The following CDC5L variants were observed in gnomAD, a reference collection of about 807,000 sequenced individuals.
The protein encoded by CDC5L is cell division cycle 5 like.
CDC5L carries 18 observed loss-of-function variants against 104.1 expected under a neutral mutation model. That is an observed-to-expected ratio of 0.17 (90% CI 0.12 to 0.26). The LOEUF (loss-of-function observed/expected upper bound fraction) is 0.26. Ranked by LOEUF, CDC5L falls within the 10% of genes least tolerant of loss-of-function variation. CDC5L has a pLI of 1.00. For synonymous variants in CDC5L, 331 were observed against 322.7 expected (o/e 1.03, Z -0.28); for missense variants, 673 against 956.9 (o/e 0.70, Z 3.91).
chr6:44,420,616 C>G (rs981280142), intron 9 of CDC5L, among the ~76,000 whole-genome samples: 4 of 152,202 alleles, frequency 2.6e-5, no homozygotes, highest in Admixed American at 2.6e-4. Context: ...CCTTGGCCTC[C>G]CATAGTGCTG....
chr6:44,422,966 G>A (rs1792258143), intron 10 of CDC5L, among the ~76,000 whole-genome samples, 157 bp downstream of exon 10: 1 of 152,060 alleles, frequency 6.6e-6, no homozygotes, highest in South Asian at 2.1e-4. Flanking sequence ...CTTGATGAAA[G>A]GGAATATTTT....
intron 2 of CDC5L, among the ~76,000 whole-genome samples, chr6:44,391,188 A>G (rs903878572): frequency 2.0e-5 from 3 of 148,092 alleles, no homozygotes; most frequent in Non-Finnish European, 3.0e-5. Context: ...TATTAAACAT[A>G]TTTAATATGT....
chr6:44,446,857 C>T lies in CDC5L; in HGVS notation c.*146C>T. Reference sequence around the variant, plus strand: ...TATTTTAAATGATATCGATCTTACACATTCTGTGTATAAAGACCTTAACTC... The same window carrying T: ...TATTTTAAATGATATCGATCTTACATATTCTGTGTATAAAGACCTTAACTC... On this transcript the variant is annotated 3_prime_UTR_variant, in exon 16 of 16. Transcript: ENST00000371477. The T allele has an allele frequency of 2.0e-6, 1 of 488,762 alleles. No individual in the cohort carries two copies. The highest frequency in any genetic ancestry group is 3.6e-6 in the Non-Finnish European group (1 of 277,184). 30.3% of individuals were successfully genotyped at this position (488,762 alleles called of 1,614,324 possible).
intron 14 of CDC5L, among the ~76,000 whole-genome samples, chr6:44,440,381 A>G (rs1471725842): frequency 6.6e-6 from 1 of 151,550 alleles, no homozygotes; most frequent in African/African-American, 2.4e-5. Context: ...AGCTGGGACT[A>G]CAGGTATGCA....
chr6:44,445,069 GC>G (rs1422365154), intron 14 of CDC5L, among the ~76,000 whole-genome samples: 1 of 152,212 alleles, frequency 6.6e-6, no homozygotes, highest in Non-Finnish European at 1.5e-5. Context: ...ATTCTTAGCT[GC>G]TTCTCTGCAC....
rs1331801914 is a variant in CDC5L, at chr6:44,424,566, G to T, written c.1552G>T (p.Val518Leu). Residue 518 changes from valine to leucine, a missense_variant, in exon 11 of 16, where the codon GTG becomes TTG. Coordinates refer to ENST00000371477, the MANE Select transcript of CDC5L (RefSeq NM_001253.4). ...TACTTACATTGAAGATGCTGCTGAT[G>T]TGGATGCTCGAAAGCAGGTGGGTAA... ...DDTYIEDAAD[V>L]DARKQAIRDA... The T allele has an allele frequency of 1.9e-6, 3 of 1,613,912 alleles. No individual in the cohort carries two copies. In the South Asian group the frequency reaches 3.3e-5, roughly 18 times the overall value.
chr6:44,436,780 C>T (rs1464658205), intron 14 of CDC5L, among the ~76,000 whole-genome samples: 1 of 152,074 alleles, frequency 6.6e-6, no homozygotes, highest in Non-Finnish European at 1.5e-5. Context: ...AATTACGGTG[C>T]GTGAAATTTG....
At chr6:44,393,095 C>G (rs1790690889) in intron 3 of CDC5L, among the ~76,000 whole-genome samples, 1 of 148,238 alleles carries the variant, frequency 6.7e-6, no homozygotes, top group Admixed American at 6.8e-5. Context: ...AGTAAAAGAG[C>G]AAATAAAAGT....
intron 13 of CDC5L, 42 bp from the exon 14 acceptor site, chr6:44,429,671 G>A (rs1304068923): frequency 6.4e-7 from 1 of 1,550,800 alleles, no homozygotes; most frequent in African/African-American, 1.4e-5. Flanking sequence ...TATGGCAAGT[G>A]TTTGTAGTAC....
At chr6:44,393,276 A>G (rs534418805) in intron 3 of CDC5L, among the ~76,000 whole-genome samples, 170 bp from the exon 4 acceptor site, 2 of 151,980 alleles carry the variant, frequency 1.3e-5, no homozygotes, top group Admixed American at 1.3e-4. Context: ...GAAATCAGCA[A>G]ATTTTAATAT....
intron 13 of CDC5L, 72 bp from the exon 14 acceptor site, chr6:44,429,641 G>A: frequency 4.4e-6 from 6 of 1,354,914 alleles, no homozygotes; most frequent in South Asian, 1.3e-5. Flanking sequence ...GAAAAAATTA[G>A]TCTTCTAAAG....
chr6:44,410,056 C>T (rs1232481378), intron 8 of CDC5L, among the ~76,000 whole-genome samples: 1 of 151,842 alleles, frequency 6.6e-6, no homozygotes, highest in East Asian at 1.9e-4. Flanking sequence ...GGCATTACTT[C>T]ACATATTTAT....
chr6:44,439,179 ATATT>A (rs1387402095), intron 14 of CDC5L, among the ~76,000 whole-genome samples: 1 of 152,150 alleles, frequency 6.6e-6, no homozygotes, highest in Non-Finnish European at 1.5e-5. Flanking sequence ...GTAGTAGTAT[ATATT>A]AGTATTTGTT....
At chr6:44,443,770 G>A (rs1317804966) in intron 14 of CDC5L, among the ~76,000 whole-genome samples, 1 of 150,140 alleles carries the variant, frequency 6.7e-6, no homozygotes, top group African/African-American at 2.4e-5. Context: ...GCATCTTTGT[G>A]ACCATTATTT....
At chr6:44,418,620 A>G (rs890304732) in intron 8 of CDC5L, among the ~76,000 whole-genome samples, 57 of 152,132 alleles carry the variant, frequency 3.7e-4, no homozygotes, top group Non-Finnish European at 7.9e-4. Flanking sequence ...CCAGCAGTGT[A>G]AAAGTGTTCC....
intron 14 of CDC5L, among the ~76,000 whole-genome samples, chr6:44,431,640 A>G (rs886889882): frequency 3.7e-4 from 56 of 152,122 alleles, no homozygotes; most frequent in African/African-American, 1.2e-3. Context: ...CCTAAATCTC[A>G]TTTACTTTGT....
intron 5 of CDC5L, among the ~76,000 whole-genome samples, chr6:44,400,686 TTA>T (rs1192497455): frequency 6.6e-6 from 1 of 152,230 alleles, no homozygotes; most frequent in Non-Finnish European, 1.5e-5. Context: ...CTGGCCAATT[TTA>T]GTCAGTCTAT....
intron 5 of CDC5L, among the ~76,000 whole-genome samples, chr6:44,396,954 T>TTG (rs1790897031): frequency 6.6e-6 from 1 of 152,260 alleles, no homozygotes; most frequent in African/African-American, 2.4e-5. Flanking sequence ...GGGTGTGTTC[T>TTG]TGTTCACCTT....
At chr6:44,411,608 C>CAGAGAG (rs1292898511) in intron 8 of CDC5L, among the ~76,000 whole-genome samples, 3 of 135,330 alleles carry the variant, frequency 2.2e-5, no homozygotes, top group African/African-American at 8.2e-5. Context: ...CTGTGAGAGA[C>CAGAGAG]AGAGAGAGAG....
Sources: gnomAD v4.1 joint callset for allele counts (sites outside exome capture counted in the v4.1 genomes callset) on GRCh38, gnomAD v4.1.1 for gene constraint, MANE v1.5 for transcripts, NCBI Gene and HGNC (gene_info 2026-07-23, HGNC 2026-07-21) for gene names.